The following RPSA variants were observed in gnomAD, a reference collection of about 807,000 sequenced individuals.
RPSA encodes small ribosomal subunit protein uS2.
For missense variants in RPSA, 140 were observed against 372.8 expected (o/e 0.38, Z 5.14); for synonymous variants, 103 against 126.7 (o/e 0.81, Z 1.25).
rs1275331055 is a variant in RPSA at position 39,408,739 on chromosome 3, GGTTA to G, written c.252+19_252+22del. 3.1e-6 allele frequency: 4 copies of G among 1,281,160 alleles called. No individual in the cohort carries two copies. Among genetic ancestry groups the G allele is most frequent in the Middle Eastern group, 1.8e-4 (1 of 5,504 alleles). 79.4% of individuals were successfully genotyped at this position (1,281,160 alleles called of 1,614,324 possible). A position where few individuals can be genotyped will look rare whatever the true frequency, so the allele number is the denominator to read the frequency against. ...ATACTGGCCAGGTTTGTGGAACAGT[GGTTA>G]GTTTTTATATTATAGAAATAAAGCT... On this transcript the variant is annotated intron_variant, in intron 3 of 6. Transcript: ENST00000301821.
At chr3:39,407,060 T>A (rs747032243) in intron 1 of RPSA, 2 of 454,090 alleles carry the variant, frequency 4.4e-6, no homozygotes, top group South Asian at 3.1e-5. Flanking sequence ...TGTGTTGCTA[T>A]CCCTTCGGAG....
Position 39,408,460 on chromosome 3 carries a change from A to G in RPSA, c.134-146A>G, listed in dbSNP as rs377192766. 12 of 776,956 alleles carry G rather than the reference A, an allele frequency of 1.5e-5. No homozygotes were observed. The Admixed American group carries it at 1.7e-4, about 11-fold the overall frequency. 48.1% of individuals were successfully genotyped at this position (776,956 alleles called of 1,614,324 possible). ...AACTTCTGAGTGTCGGAAGTGTGCT[A>G]TATCAATGGCAGGATTTTCGCTAAC... On this transcript the variant is annotated intron_variant, in intron 2 of 6. Coordinates refer to ENST00000301821, the MANE Select transcript of RPSA (RefSeq NM_002295.6).
At chr3:39,406,929 G>A (rs571492963) in intron 1 of RPSA, 165 bp downstream of exon 1, 1 of 453,764 alleles carries the variant, frequency 2.2e-6, no homozygotes, top group African/African-American at 2.0e-5. Flanking sequence ...GGCCAGGCTC[G>A]GGCTGGCGGG....
chr3:39,409,232 T>TCCA (rs1414023181), intron 3 of RPSA, among the ~76,000 whole-genome samples: 26 of 108,758 alleles, frequency 2.4e-4, no homozygotes. Context: ...TCTCGCTCTG[T>TCCA]TGCCTGTTGT....
At chr3:39,406,827 A>G (rs1451823046) in intron 1 of RPSA, 63 bp downstream of exon 1, 2 of 455,744 alleles carry the variant, frequency 4.4e-6, no homozygotes, top group Non-Finnish European at 8.8e-6. Flanking sequence ...TTCCTGCTCA[A>G]ATGAAGGGTG....
At chr3:39,408,569 C>G in intron 2 of RPSA, 37 bp from the exon 3 acceptor site, 2 of 1,110,074 alleles carry the variant, frequency 1.8e-6, no homozygotes, top group East Asian at 2.3e-5. Context: ...TTTGCACAGC[C>G]AGGTCAAGTG....
At chr3:39,409,240 TGTCCATCCTGGACTGCAGTG>T (rs1171786972) in intron 3 of RPSA, among the ~76,000 whole-genome samples, 28 of 111,416 alleles carry the variant, frequency 2.5e-4, no homozygotes, top group East Asian at 7.2e-4. Context: ...TGTTGCCTGT[TGTCCATCCTGGACTGCAGTG>T]GTGTGATATC....
chr3:39,407,858 A>G (rs947579634), intron 2 of RPSA, 72 bp downstream of exon 2: 14 of 1,228,984 alleles, frequency 1.1e-5, no homozygotes, highest in African/African-American at 1.5e-5. Context: ...TCTCGTGGTT[A>G]GTTCTGGGTA....
At chr3:39,407,491 C>A (rs2041936590) in intron 1 of RPSA, 130 bp from the exon 2 acceptor site, 1 of 749,616 alleles carries the variant, frequency 1.3e-6, no homozygotes, top group Non-Finnish European at 2.4e-6. Flanking sequence ...GGTTAACTTT[C>A]TGTTTACCCT....
chr3:39,409,442 C>T (rs1403931617), intron 3 of RPSA, among the ~76,000 whole-genome samples: 2 of 152,146 alleles, frequency 1.3e-5, no homozygotes, highest in African/African-American at 4.8e-5. Context: ...CTCAAGTGAT[C>T]CTCCCACCTC....
chr3:39,411,323 C>T (rs1260298811), intron 4 of RPSA: 2 of 616,582 alleles, frequency 3.2e-6, no homozygotes, highest in Non-Finnish European at 6.0e-6. Context: ...TTTGTTTTCA[C>T]ACCAACTTGA....
At chr3:39,407,015 G>A (rs1490307792) in intron 1 of RPSA, 8 of 453,966 alleles carry the variant, frequency 1.8e-5, no homozygotes, top group African/African-American at 4.0e-5. Flanking sequence ...ACCAGGCCGC[G>A]GGTGGGCGGG....
In RPSA at chr3:39,408,450, G is replaced by A. The variant is rs771204845; in HGVS notation, c.134-156G>A. On this transcript the variant is annotated intron_variant, in intron 2 of 6. Transcript: ENST00000301821. The stretch of plus-strand genomic sequence containing the variant: ...TTGGCTCATGAACTTCTGAGTGTCG[G>A]AAGTGTGCTATATCAATGGCAGGAT... 6.8e-5 allele frequency: 53 copies of A among 774,578 alleles called. No individual in the cohort carries two copies. The South Asian group carries it at 7.1e-4, about 10-fold the overall frequency. The allele number at this position is 774,578 out of a possible 1,614,324, so 48.0% of individuals were successfully genotyped here.
intron 4 of RPSA, 135 bp downstream of exon 4, chr3:39,411,134 G>C: frequency 8.7e-7 from 1 of 1,147,990 alleles, no homozygotes; most frequent in Non-Finnish European, 1.3e-6. Context: ...CTACATGAGG[G>C]GCAAGTTTTC....
chr3:39,408,858 G>T, intron 3 of RPSA, 134 bp downstream of exon 3: 1 of 684,342 alleles, frequency 1.5e-6, no homozygotes, highest in East Asian at 2.6e-5. Flanking sequence ...CAGCACTTTG[G>T]GAGGTGGAGT....
chr3:39,411,538 A>T, intron 4 of RPSA, 111 bp from the exon 5 acceptor site: 1 of 1,152,474 alleles, frequency 8.7e-7, no homozygotes, highest in Non-Finnish European at 1.3e-6. Context: ...ATTGCTTTTC[A>T]ACTAAGAGAT....
At chr3:39,411,552 T>A in intron 4 of RPSA, 97 bp from the exon 5 acceptor site, 1 of 1,311,614 alleles carries the variant, frequency 7.6e-7, no homozygotes, top group Non-Finnish European at 1.1e-6. Flanking sequence ...AAGAGATGTC[T>A]GTACTTTTGG....
At chr3:39,407,017 G>C (rs1220679157) in intron 1 of RPSA, 1 of 454,262 alleles carries the variant, frequency 2.2e-6, no homozygotes, top group South Asian at 1.6e-5. Context: ...CAGGCCGCGG[G>C]TGGGCGGGAG....
At position 39,410,843 on chromosome 3, in the gene RPSA, A is replaced by G. The variant is rs2041995270; in HGVS notation, c.342A>G (p.Ala114=). The part of the protein sequence containing the change: ...TPGTFTNQIQ[A]AFREPRLLVV... ...GAACCTTCACTAACCAGATCCAGGC[A>G]GCCTTCCGGGAGCCACGGCTTCTTG... The change falls in exon 4 of 7, where the codon GCA becomes GCG. Residue 114 remains alanine (A), a synonymous_variant. Coordinates refer to ENST00000301821, the MANE Select transcript of RPSA (RefSeq NM_002295.6). The G allele has an allele frequency of 6.2e-7, 1 of 1,604,574 alleles. No homozygotes were observed. The highest frequency in any genetic ancestry group is 1.3e-5 in the African/African-American group (1 of 74,906).
Sources: gnomAD v4.1 joint callset for allele counts (sites outside exome capture counted in the v4.1 genomes callset) on GRCh38, gnomAD v4.1.1 for gene constraint, MANE v1.5 for transcripts, NCBI Gene and HGNC (gene_info 2026-07-23, HGNC 2026-07-21) for gene names.